The following ACVR1 variants were observed in gnomAD, a reference collection of about 807,000 sequenced individuals.
The protein encoded by ACVR1 is activin A receptor type 1, also known as activin receptor type-1.
ACVR1 carries 38 observed loss-of-function variants against 57.1 expected under a neutral mutation model. That is an observed-to-expected ratio of 0.67 (90% CI 0.51 to 0.87). The LOEUF (loss-of-function observed/expected upper bound fraction) is 0.87, where lower values mean the gene tolerates loss of function less well. ACVR1 is among the 40% of genes least tolerant of loss of function. The pLI, the probability that ACVR1 is intolerant of heterozygous loss-of-function variation, is 0.00. For synonymous variants in ACVR1, 212 were observed against 228.1 expected (o/e 0.93, Z 0.63); for missense variants, 463 against 638.2 (o/e 0.73, Z 2.96).
Position 157,799,371 on chromosome 2 carries a change from C to CA in ACVR1, c.67+55dup, listed in dbSNP as rs3030646. On this transcript the variant is annotated intron_variant, in intron 3 of 10. Coordinates refer to ENST00000434821, the MANE Select transcript of ACVR1 (RefSeq NM_001111067.4). ...GCTTAAGAAGTAGTTTATAGTAAGC[C>CA]AAAAAAAAAAATCACAGTATACTTA... 0.14 allele frequency: 132,222 copies of CA among 974,288 alleles called. 2,758 individuals are homozygous for CA. The highest frequency in any genetic ancestry group is 0.31 in the African/African-American group (20,207 of 64,250). 60.4% of individuals were successfully genotyped at this position (974,288 alleles called of 1,614,324 possible). A position where few individuals can be genotyped will look rare whatever the true frequency, so the allele number is the denominator to read the frequency against.
intron 1 of ACVR1, among the ~76,000 whole-genome samples, chr2:157,836,753 G>A (rs373783773): frequency 1.3e-5 from 2 of 152,296 alleles, no homozygotes; most frequent in South Asian, 2.1e-4. Context: ...GGGGTGTGCT[G>A]CAAGATAAAG....
intron 3 of ACVR1, among the ~76,000 whole-genome samples, chr2:157,790,709 G>C (rs1055222622): frequency 6.6e-6 from 1 of 152,154 alleles, no homozygotes; most frequent in African/African-American, 2.4e-5. Context: ...GGATGCCTTT[G>C]AAAATGGAGT....
At chr2:157,829,791 C>G (rs1313030033) in intron 1 of ACVR1, among the ~76,000 whole-genome samples, 1 of 152,168 alleles carries the variant, frequency 6.6e-6, no homozygotes, top group Non-Finnish European at 1.5e-5. Flanking sequence ...TCTGTTTTTC[C>G]CAAACTTAAC....
intron 2 of ACVR1, among the ~76,000 whole-genome samples, chr2:157,816,058 A>G (rs1472358084): frequency 6.6e-6 from 1 of 152,248 alleles, no homozygotes; most frequent in East Asian, 1.9e-4. Context: ...AAGGAAAAAT[A>G]TCCACAATAT....
At chr2:157,769,708 C>T (rs1051119765) in intron 7 of ACVR1, among the ~76,000 whole-genome samples, 2 of 152,156 alleles carry the variant, frequency 1.3e-5, no homozygotes, top group Non-Finnish European at 2.9e-5. Flanking sequence ...ATTGAAGAAG[C>T]ACTCCAGGCA....
chr2:157,839,777 G>A (rs1249584636), intron 1 of ACVR1, among the ~76,000 whole-genome samples: 1 of 152,160 alleles, frequency 6.6e-6, no homozygotes, highest in Non-Finnish European at 1.5e-5. Flanking sequence ...CAAGAACTTA[G>A]TACTTTTTGA....
intron 1 of ACVR1, among the ~76,000 whole-genome samples, chr2:157,854,207 A>G (rs997047314): frequency 6.6e-6 from 1 of 152,104 alleles, no homozygotes; most frequent in Admixed American, 6.5e-5. Context: ...AGTAAAAAAA[A>G]AAAAAAAAAA....
chr2:157,828,779 T>C (rs928046071), intron 1 of ACVR1, among the ~76,000 whole-genome samples: 5 of 152,106 alleles, frequency 3.3e-5, no homozygotes, highest in African/African-American at 1.2e-4. Context: ...TGTTTGTTTG[T>C]TTTTTGAGAC....
chr2:157,749,515 T>C (rs546551350), intron 9 of ACVR1, among the ~76,000 whole-genome samples: 11 of 152,118 alleles, frequency 7.2e-5, no homozygotes, highest in Middle Eastern at 3.4e-3. Context: ...ACTTAACAAG[T>C]CAAAATACCT....
chr2:157,785,220 C>G (rs1686670600), intron 3 of ACVR1, among the ~76,000 whole-genome samples: 2 of 152,198 alleles, frequency 1.3e-5, no homozygotes, highest in Non-Finnish European at 2.9e-5. Flanking sequence ...AATCATAATG[C>G]AGAAATTAGA....
At chr2:157,772,354 CA>C (rs1686101675) in intron 6 of ACVR1, among the ~76,000 whole-genome samples, 1 of 152,018 alleles carries the variant, frequency 6.6e-6, no homozygotes, top group Admixed American at 6.6e-5. Context: ...GTTTTTGAAC[CA>C]AAAATAACAT....
Position 157,761,088 on chromosome 2 carries a change from G to A in ACVR1, c.1067-11C>T. ...GCATGACTGCCAGGCCTGAAAGGAA[G>A]AAGATAACAATGTAATCAACCCACT... On this transcript the variant is annotated splice_polypyrimidine_tract_variant and intron_variant, in intron 8 of 10. Coordinates refer to ENST00000434821, the MANE Select transcript of ACVR1 (RefSeq NM_001111067.4). 6.2e-7 allele frequency: 1 copy of A among 1,613,202 alleles called. No homozygotes were observed.
At chr2:157,800,350 G>C (rs1687277857) in intron 2 of ACVR1, among the ~76,000 whole-genome samples, 1 of 152,122 alleles carries the variant, frequency 6.6e-6, no homozygotes, top group Non-Finnish European at 1.5e-5. Flanking sequence ...TATTTAGGCT[G>C]GGTGCGGTGG....
At chr2:157,805,383 T>C (rs2105313112) in intron 2 of ACVR1, among the ~76,000 whole-genome samples, 1 of 152,336 alleles carries the variant, frequency 6.6e-6, no homozygotes, top group East Asian at 1.9e-4. Context: ...AGACAGGTCA[T>C]ACAATCACCC....
intron 2 of ACVR1, among the ~76,000 whole-genome samples, chr2:157,817,924 C>T (rs1397166523): frequency 6.6e-6 from 1 of 151,488 alleles, no homozygotes; most frequent in Non-Finnish European, 1.5e-5. Context: ...ATTGCGTGAC[C>T]CTGGGAGGTG....
chr2:157,862,422 TACACACACACACACAC>T (rs68077740), intron 1 of ACVR1, among the ~76,000 whole-genome samples: 6 of 143,654 alleles, frequency 4.2e-5, no homozygotes, highest in African/African-American at 7.9e-5. Flanking sequence ...CATATACACA[TACACACACACACACAC>T]ACACACACAC....
chr2:157,807,904 A>C (rs1687614618), intron 2 of ACVR1, among the ~76,000 whole-genome samples: 1 of 142,670 alleles, frequency 7.0e-6, no homozygotes. Context: ...CCAGAGAGGT[A>C]CATTTCTCTC....
chr2:157,857,978 C>A (rs1689591612), intron 1 of ACVR1, among the ~76,000 whole-genome samples: 1 of 151,900 alleles, frequency 6.6e-6, no homozygotes, highest in African/African-American at 2.4e-5. Flanking sequence ...ACTCCCCAAA[C>A]AAACCCATAT....
At chr2:157,768,578 T>C (rs527977218) in intron 7 of ACVR1, among the ~76,000 whole-genome samples, 8 of 152,358 alleles carry the variant, frequency 5.3e-5, no homozygotes, top group African/African-American at 1.7e-4. Context: ...CCATTAATTA[T>C]GCTCTAGACC....
Sources: allele counts gnomAD v4.1 joint callset (sites outside exome capture counted in the v4.1 genomes callset), GRCh38; gene constraint gnomAD v4.1.1; transcripts MANE v1.5; gene names NCBI Gene and HGNC (gene_info 2026-07-23, HGNC 2026-07-21).